The following CHERP variants were observed in gnomAD, a reference collection of about 807,000 sequenced individuals.
The protein encoded by CHERP is ERPROT 213-21.
CHERP carries 8 observed loss-of-function variants against 113.8 expected under a neutral mutation model. The ratio of observed to expected loss-of-function variants is 0.07; its 90% CI spans 0.04 to 0.13. CHERP has a LOEUF of 0.13. Ranked by LOEUF, CHERP falls within the 10% of genes least tolerant of loss-of-function variation. The pLI is 1.00. For missense variants in CHERP, 884 were observed against 1,298.2 expected (o/e 0.68, Z 4.90); for synonymous variants, 559 against 524.5 (o/e 1.07, Z -0.90).
chr19:16,522,997 A>G, intron 11 of CHERP, 55 bp downstream of exon 11: 1 of 1,472,598 alleles, frequency 6.8e-7, no homozygotes, highest in Admixed American at 2.6e-5. Flanking sequence ...CACAAGGAGA[A>G]ACGGGGACCA....
chr19:16,521,399 G>A (rs545394967), intron 12 of CHERP, 122 bp downstream of exon 12: 3 of 846,630 alleles, frequency 3.5e-6, no homozygotes, highest in South Asian at 3.8e-5. Context: ...ACTCAGGCGG[G>A]GGGAGGGCAG....
intron 2 of CHERP, among the ~76,000 whole-genome samples, chr19:16,539,379 C>T (rs2085762791): frequency 1.3e-5 from 2 of 152,022 alleles, no homozygotes; most frequent in Admixed American, 1.3e-4. Flanking sequence ...GATCTCCTGA[C>T]CTCGTGATCC....
intron 2 of CHERP, chr19:16,539,712 C>G (rs985079112): frequency 1.3e-5 from 2 of 152,160 alleles, no homozygotes; most frequent in Admixed American, 6.5e-5. Flanking sequence ...CTATGTCACC[C>G]AGGCTGGAGT....
chr19:16,525,453 G>A lies in CHERP; in HGVS notation c.1530C>T (p.Arg510=). 4 of 1,545,522 alleles carry A rather than the reference G, an allele frequency of 2.6e-6. No homozygotes were observed. The highest frequency in any genetic ancestry group is 3.5e-6 in the Non-Finnish European group (4 of 1,145,244). The change falls in exon 10 of 17, where the codon CGC becomes CGT. Residue 510 remains arginine (R), a synonymous_variant. Transcript: ENST00000546361. The surrounding 1 kb of genome is among the most constrained non-coding windows in gnomAD (Gnocchi z 6.5). ...HEQPPWGGGQ[R]EPPFRMQRPP... is the part of the protein sequence containing the mutation. ...GCCGCTGCATGCGGAAGGGTGGCTC[G>A]CGCTGGCCCCCGCCCCAGGGCGGCT...
rs1568506639 is a variant in CHERP, at chr19:16,525,822, C to G, written c.1306-145G>C. ...GTTGAGGCGCCTCCTACGCTGACGCCTGCGAGGATGCTGGGCACCTGCTCT... is the reference window on the plus strand; with the variant it reads ...GTTGAGGCGCCTCCTACGCTGACGCGTGCGAGGATGCTGGGCACCTGCTCT... On this transcript the variant is annotated intron_variant, in intron 9 of 16. Transcript: ENST00000546361. This position sits in a 1 kb window ranked among gnomAD's most constrained non-coding sequence, Gnocchi z 6.5. The G allele has an allele frequency of 2.7e-5, 19 of 693,938 alleles. No homozygotes were observed. 43.0% of individuals were successfully genotyped at this position (693,938 alleles called of 1,614,324 possible). A position where few individuals can be genotyped will look rare whatever the true frequency, so the allele number is the denominator to read the frequency against.
chr19:16,529,911 G>A lies in CHERP; in HGVS notation c.877-11C>T. 1 of 1,611,094 alleles carries A rather than the reference G, an allele frequency of 6.2e-7. No individual in the cohort carries two copies. The highest frequency in any genetic ancestry group is 8.5e-7 in the Non-Finnish European group (1 of 1,178,548). Reference sequence around the variant, plus strand: ...GTTGATGAGGGTGGCCTGAGAGAGAGAAGAGCACCCGCTGCTCAGTATGCG... The same window carrying A: ...GTTGATGAGGGTGGCCTGAGAGAGAAAAGAGCACCCGCTGCTCAGTATGCG... On this transcript the variant is annotated splice_polypyrimidine_tract_variant and intron_variant, in intron 7 of 16. Coordinates refer to ENST00000546361, the MANE Select transcript of CHERP (RefSeq NM_006387.6).
chr19:16,529,315 GC>G (rs1360705969), intron 8 of CHERP, among the ~76,000 whole-genome samples: 1 of 152,196 alleles, frequency 6.6e-6, no homozygotes, highest in Admixed American at 6.5e-5. Flanking sequence ...ACCATGCCTA[GC>G]CAATTATATT....
At chr19:16,531,111 G>A (rs148782590) in intron 5 of CHERP, among the ~76,000 whole-genome samples, 1 of 152,130 alleles carries the variant, frequency 6.6e-6, no homozygotes, top group Non-Finnish European at 1.5e-5. Flanking sequence ...GCCTGGGGCC[G>A]TTCTGAGCAA....
chr19:16,520,597 G>C lies in CHERP; in HGVS notation c.2202-90C>G. ...CTCAGGTTCCTAGACCACCCCAGATGCAGGGGCTCTGGCTGTGGATGTGGC... is the reference window on the plus strand; with the variant it reads ...CTCAGGTTCCTAGACCACCCCAGATCCAGGGGCTCTGGCTGTGGATGTGGC... On this transcript the variant is annotated intron_variant, in intron 13 of 16. Coordinates refer to ENST00000546361, the MANE Select transcript of CHERP (RefSeq NM_006387.6). This position sits in a 1 kb window ranked among gnomAD's most constrained non-coding sequence, Gnocchi z 4.0. 1 of 1,430,478 alleles carries C rather than the reference G, an allele frequency of 7.0e-7. No individual in the cohort carries two copies. The highest frequency in any genetic ancestry group is 9.6e-7 in the Non-Finnish European group (1 of 1,042,150). The allele number at this position is 1,430,478 out of a possible 1,614,324, so 88.6% of individuals were successfully genotyped here. A position where few individuals can be genotyped will look rare whatever the true frequency, so the allele number is the denominator to read the frequency against.
rs1163800980 is a variant in CHERP at position 16,519,103 on chromosome 19, A to G, written c.*56T>C. ...TGCAATCTTCCTCTGCCAGTCAGCC[A>G]GGAAGGTCCCACAGCCGGCACCGCT... On this transcript the variant is annotated 3_prime_UTR_variant, in exon 17 of 17. Transcript: ENST00000546361. The surrounding 1 kb of genome is among the most constrained non-coding windows in gnomAD (Gnocchi z 6.0). The G allele has an allele frequency of 1.3e-6, 2 of 1,498,582 alleles. No individual in the cohort carries two copies. Among genetic ancestry groups the G allele is most frequent in the Non-Finnish European group, 1.8e-6 (2 of 1,096,550 alleles). The allele number at this position is 1,498,582 out of a possible 1,614,324, so 92.8% of individuals were successfully genotyped here.
chr19:16,538,445 G>A (rs1443171404), intron 2 of CHERP, among the ~76,000 whole-genome samples: 1 of 152,186 alleles, frequency 6.6e-6, no homozygotes, highest in Non-Finnish European at 1.5e-5. Context: ...AGCACTTTGG[G>A]AAGCCAAGGT....
At chr19:16,542,070 G>A (rs933894156) in intron 1 of CHERP, 27 bp from the exon 2 acceptor site, 3 of 1,593,624 alleles carry the variant, frequency 1.9e-6, no homozygotes, top group Non-Finnish European at 2.6e-6. Context: ...AGGCCACGCG[G>A]GGCGTCAGCG....
Position 16,530,364 on chromosome 19 carries a change from G to A in CHERP, c.876+221C>T, listed in dbSNP as rs551040115. The stretch of plus-strand genomic sequence containing the variant: ...CCATGTGCAATGACTCCGAAAGGCC[G>A]CCTGGTTCTAGTGTTCCAGGAAAGT... On this transcript the variant is annotated intron_variant, in intron 7 of 16. Transcript: ENST00000546361. The surrounding 1 kb of genome is among the most constrained non-coding windows in gnomAD (Gnocchi z 4.1). Among the ~76,000 whole-genome samples the A allele has an allele frequency of 1.1e-4, 16 of 152,322 alleles. No individual in the cohort carries two copies. The highest frequency in any genetic ancestry group is 3.6e-4 in the African/African-American group (15 of 41,568).
intron 2 of CHERP, among the ~76,000 whole-genome samples, chr19:16,536,273 C>T (rs1332603890): frequency 1.3e-5 from 2 of 152,124 alleles, no homozygotes; most frequent in Non-Finnish European, 2.9e-5. Context: ...CCCATTCTGC[C>T]GGCAGAAGCC....
At position 16,520,063 on chromosome 19, in the gene CHERP, C is replaced by CT; in HGVS notation, c.2462+85dup. The CT allele has an allele frequency of 7.1e-7, 1 of 1,409,628 alleles. No individual in the cohort carries two copies. Among genetic ancestry groups the CT allele is most frequent in the Non-Finnish European group, 9.9e-7 (1 of 1,008,918 alleles). The allele number at this position is 1,409,628 out of a possible 1,614,324, so 87.3% of individuals were successfully genotyped here. Reference sequence around the variant, plus strand: ...AATGCTGGCGGCCTCCTAACACAGTCTCCTAACCACCAATGTTTCCACATT... The same window carrying CT: ...AATGCTGGCGGCCTCCTAACACAGTCTTCCTAACCACCAATGTTTCCACATT... On this transcript the variant is annotated intron_variant, in intron 15 of 16. Coordinates refer to ENST00000546361, the MANE Select transcript of CHERP (RefSeq NM_006387.6). The surrounding 1 kb of genome is among the most constrained non-coding windows in gnomAD (Gnocchi z 4.0).
intron 3 of CHERP, among the ~76,000 whole-genome samples, chr19:16,533,795 A>AAAAAG (rs1028295155): frequency 1.3e-5 from 2 of 151,992 alleles, no homozygotes; most frequent in Non-Finnish European, 2.9e-5. Context: ...CAACAACAAC[A>AAAAAG]AAAAGAAAAG....
chr19:16,521,010 T>C (rs779091136), intron 12 of CHERP, 98 bp from the exon 13 acceptor site: 1 of 1,035,316 alleles, frequency 9.7e-7, no homozygotes, highest in East Asian at 2.4e-5. Flanking sequence ...CCTTGGAGAG[T>C]ACATGGCCCT....
Position 16,529,745 on chromosome 19 carries a change from C to T in CHERP, c.1032G>A (p.Met344Ile), listed in dbSNP as rs1372237435. 3 of 1,611,462 alleles carry T rather than the reference C, an allele frequency of 1.9e-6. No individual in the cohort carries two copies. Among genetic ancestry groups the T allele is most frequent in the African/African-American group, 1.3e-5 (1 of 74,902 alleles). The part of the protein sequence containing the change: ...QQQQQQQQLQ[M>I]PQMEAEVKAT... ...CCTTGACTTCAGCCTCCATCTGCGG[C>T]ATCTGGAGCTGCTGCTGCTGCTGTT... Residue 344 changes from methionine (M) to isoleucine (I), a missense_variant, in exon 8 of 17, where the codon ATG (methionine) becomes ATA (isoleucine). Transcript: ENST00000546361.
At chr19:16,537,365 G>A (rs1309485875) in intron 2 of CHERP, among the ~76,000 whole-genome samples, 3 of 151,992 alleles carry the variant, frequency 2.0e-5, no homozygotes, top group East Asian at 3.9e-4. Flanking sequence ...CCTGTCCTCC[G>A]CTCTACGCAA....
Sources: allele counts gnomAD v4.1 joint callset (sites outside exome capture counted in the v4.1 genomes callset), GRCh38; gene constraint gnomAD v4.1.1; non-coding constraint Gnocchi (gnomAD v3.1); transcripts MANE v1.5; gene names NCBI Gene and HGNC (gene_info 2026-07-23, HGNC 2026-07-21).